Variants in IGF1 observed in about 807,000 individuals in gnomAD.
IGF1 encodes insulin like growth factor 1, also known as insulin-like growth factor 1.
In IGF1, 4 loss-of-function variants were observed where a neutral mutation model predicts 13.8. The observed-to-expected ratio is 0.29, with a 90% confidence interval of 0.14 to 0.66. IGF1 has a LOEUF of 0.66. IGF1 is among the 30% of genes least tolerant of loss of function. The pLI is 0.78. For missense variants in IGF1, 124 were observed against 188.5 expected, an observed-to-expected ratio of 0.66 and a Z score of 2.00; for synonymous variants, 76 against 72.6, an observed-to-expected ratio of 1.05 and a Z score of -0.23.
chr12:102,450,233 T>C (rs1428692687), intron 2 of IGF1, among the ~76,000 whole-genome samples: 1 of 152,238 alleles, frequency 6.6e-6, no homozygotes, highest in African/African-American at 2.4e-5. Flanking sequence ...AGTTCACTTA[T>C]TTGCTGCTCA....
chr12:102,475,483 C>T (rs1880959671), intron 2 of IGF1, among the ~76,000 whole-genome samples, 160 bp downstream of exon 2: 1 of 151,920 alleles, frequency 6.6e-6, no homozygotes, highest in African/African-American at 2.4e-5. Context: ...AAAGTCCCGC[C>T]AAAACACTAT....
chr12:102,403,780 G>A (rs1873892924), intron 3 of IGF1, among the ~76,000 whole-genome samples: 1 of 151,898 alleles, frequency 6.6e-6, no homozygotes, highest in Non-Finnish European at 1.5e-5. Flanking sequence ...CCTGGATATT[G>A]AGTTTTGCTT....
intron 2 of IGF1, among the ~76,000 whole-genome samples, chr12:102,457,106 T>C (rs1426971196): frequency 1.3e-5 from 2 of 152,184 alleles, no homozygotes; most frequent in African/African-American, 2.4e-5. Flanking sequence ...TTTCAGGGTG[T>C]CCAGGTCTCC....
Position 102,400,042 on chromosome 12 carries a change from TGAG to T in IGF1, c.*2462_*2464del, listed in dbSNP as rs1438722736. ...GTGCTCAATTCAAATAATGTTGGAC[TGAG>T]AGTTAAAATACTTGTTGACTGAACA... is the stretch of plus-strand genomic sequence containing the variant. On this transcript the variant is annotated 3_prime_UTR_variant, in exon 4 of 4. Coordinates refer to ENST00000337514, the MANE Select transcript of IGF1 (RefSeq NM_000618.5). 2.6e-5 allele frequency: 4 copies of T among 152,074 alleles called. No homozygotes were observed. The highest frequency in any genetic ancestry group is 7.2e-5 in the African/African-American group (3 of 41,424). 9.4% of individuals were successfully genotyped at this position (152,074 alleles called of 1,614,324 possible).
At chr12:102,406,122 A>C (rs975347445) in intron 3 of IGF1, among the ~76,000 whole-genome samples, 1 of 152,252 alleles carries the variant, frequency 6.6e-6, no homozygotes. Flanking sequence ...CATTCAAACC[A>C]GCTGGGATAT....
Position 102,441,906 on chromosome 12 carries a change from G to GCTGCTTCTTCTTCTTCTTCTT in IGF1, c.221-22217_221-22216insAAGAAGAAGAAGAAGAAGCAG. On this transcript the variant is annotated intron_variant, in intron 2 of 3. Transcript: ENST00000337514. ...GAGCACTAAGTCATTCTATTACACT[G>GCTGCTTCTTCTTCTTCTTCTT]CTTCTTCTCCTTCTTCTTCTTCTTC... is the stretch of plus-strand genomic sequence containing the variant. 8.0e-4 allele frequency among the ~76,000 whole-genome samples: 80 copies of GCTGCTTCTTCTTCTTCTTCTT among 100,332 alleles called. 2 individuals carry two copies. Among genetic ancestry groups the GCTGCTTCTTCTTCTTCTTCTT allele is most frequent in the Non-Finnish European group, 1.4e-3 (68 of 48,398 alleles). 65.8% of individuals were successfully genotyped at this position (100,332 alleles called of 152,430 possible).
Position 102,399,977 on chromosome 12 carries a change from T to C in IGF1, c.*2530A>G, listed in dbSNP as rs1873542123. On this transcript the variant is annotated 3_prime_UTR_variant, in exon 4 of 4. Coordinates refer to ENST00000337514, the MANE Select transcript of IGF1 (RefSeq NM_000618.5). ...AAAATGATGTATAGTTTCTTTTACA[T>C]CTGTCCATAGTGATTAGAACATTGC... is the stretch of plus-strand genomic sequence containing the variant. 6.6e-6 allele frequency: 1 copy of C among 152,216 alleles called. No individual in the cohort carries two copies. The highest frequency in any genetic ancestry group is 2.4e-5 in the African/African-American group (1 of 41,462). 9.4% of individuals were successfully genotyped at this position (152,216 alleles called of 1,614,324 possible). A position where few individuals can be genotyped will look rare whatever the true frequency, so the allele number is the denominator to read the frequency against.
intron 2 of IGF1, among the ~76,000 whole-genome samples, chr12:102,463,719 G>A (rs1401693855): frequency 3.9e-5 from 6 of 152,218 alleles, no homozygotes; most frequent in African/African-American, 1.4e-4. Flanking sequence ...CACTTTGAGT[G>A]TATGGACTGT....
intron 3 of IGF1, among the ~76,000 whole-genome samples, chr12:102,416,002 G>A (rs1004494237): frequency 1.3e-5 from 2 of 152,084 alleles, no homozygotes; most frequent in Non-Finnish European, 2.9e-5. Flanking sequence ...CTTTCAGTTC[G>A]ACCTTTTCCT....
intron 2 of IGF1, among the ~76,000 whole-genome samples, chr12:102,430,945 C>T (rs764211505): frequency 1.3e-5 from 2 of 152,212 alleles, no homozygotes; most frequent in African/African-American, 4.8e-5. Flanking sequence ...CTCAACAGGT[C>T]ACAAATCAGC....
chr12:102,412,080 T>G (rs537870806), intron 3 of IGF1, among the ~76,000 whole-genome samples: 1 of 152,316 alleles, frequency 6.6e-6, no homozygotes, highest in African/African-American at 2.4e-5. Context: ...TAGAGAATCC[T>G]TCTCTGTATG....
chr12:102,427,844 C>T (rs538151949), intron 2 of IGF1, among the ~76,000 whole-genome samples: 8 of 152,034 alleles, frequency 5.3e-5, no homozygotes, highest in African/African-American at 1.4e-4. Context: ...GGAGGGAGGG[C>T]GAGTGGGAGG....
At chr12:102,451,646 T>C (rs912890403) in intron 2 of IGF1, among the ~76,000 whole-genome samples, 1 of 152,224 alleles carries the variant, frequency 6.6e-6, no homozygotes, top group Admixed American at 6.5e-5. Flanking sequence ...GCTCAGATGA[T>C]TCCAGTGCAC....
intron 1 of IGF1, among the ~76,000 whole-genome samples, chr12:102,479,462 C>G (rs1881274327): frequency 6.6e-6 from 1 of 152,182 alleles, no homozygotes; most frequent in Middle Eastern, 3.4e-3. Context: ...GAAACTAGAA[C>G]TACGGCCAGC....
intron 2 of IGF1, among the ~76,000 whole-genome samples, chr12:102,438,098 A>G (rs897149580): frequency 2.6e-5 from 4 of 152,328 alleles, no homozygotes; most frequent in African/African-American, 9.6e-5. Context: ...TCCTGGAAAG[A>G]GGACATTTAG....
intron 2 of IGF1, among the ~76,000 whole-genome samples, chr12:102,465,899 T>G (rs1880268311): frequency 6.6e-6 from 1 of 151,798 alleles, no homozygotes; most frequent in South Asian, 2.1e-4. Context: ...ATTGCACCAC[T>G]GTACTCCAGC....
At chr12:102,427,505 C>T (rs1285996871) in intron 2 of IGF1, among the ~76,000 whole-genome samples, 1 of 152,196 alleles carries the variant, frequency 6.6e-6, no homozygotes, top group Non-Finnish European at 1.5e-5. Context: ...AACTTGGCAC[C>T]TGCCCTCTGT....
intron 3 of IGF1, chr12:102,418,123 G>A: frequency 1.0e-6 from 1 of 1,000,550 alleles, no homozygotes. Context: ...GCTGGAGAGG[G>A]GTCTAGACCT....
intron 2 of IGF1, among the ~76,000 whole-genome samples, chr12:102,448,240 G>C (rs1448751100): frequency 6.8e-6 from 1 of 147,306 alleles, no homozygotes; most frequent in Admixed American, 6.8e-5. Context: ...ACATGCACAC[G>C]TATGTTTATT....
Sources: allele counts gnomAD v4.1 joint callset (sites outside exome capture counted in the v4.1 genomes callset), GRCh38; gene constraint gnomAD v4.1.1; transcripts MANE v1.5; gene names NCBI Gene and HGNC (gene_info 2026-07-23, HGNC 2026-07-21).